The following IPO4 variants were observed in gnomAD, a reference collection of about 807,000 sequenced individuals.
The protein encoded by IPO4 is importin-4.
In IPO4, 91 loss-of-function variants were observed where a neutral mutation model predicts 133.5. The ratio of observed to expected loss-of-function variants is 0.68; its 90% CI spans 0.58 to 0.81. IPO4 has a LOEUF of 0.81. Ranked by LOEUF, IPO4 falls within the 30% of genes least tolerant of loss-of-function variation. The pLI is 0.00. For missense variants in IPO4, 1,279 were observed against 1,386.2 expected (o/e 0.92, Z 1.23); for synonymous variants, 607 against 581.6 (o/e 1.04, Z -0.63).
At chr14:24,181,376 CA>C in intron 28 of IPO4, 136 bp downstream of exon 28, 3 of 692,140 alleles carry the variant, frequency 4.3e-6, no homozygotes, top group South Asian at 3.5e-5. Context: ...CAGGGAGTAC[CA>C]AAAGAACAGC....
chr14:24,183,525 G>C lies in IPO4; in HGVS notation c.2064-12C>G. ...GAAGGAAGGCCACACTACAGAGAGA[G>C]ACACAGCCGTGGGTAAGGGGCCCCC... On this transcript the variant is annotated splice_polypyrimidine_tract_variant and intron_variant, in intron 20 of 29. Transcript: ENST00000354464. The C allele has an allele frequency of 6.2e-7, 1 of 1,614,008 alleles. No individual in the cohort carries two copies. The highest frequency in any genetic ancestry group is 1.1e-5 in the South Asian group (1 of 91,064).
At position 24,183,661 on chromosome 14, in the gene IPO4, G is replaced by A. The variant is rs757680043; in HGVS notation, c.1992C>T (p.Ser664=). 14 of 1,613,940 alleles carry A rather than the reference G, an allele frequency of 8.7e-6. No individual in the cohort carries two copies. The highest frequency in any genetic ancestry group is 2.2e-5 in the South Asian group (2 of 91,086). The part of the protein sequence containing the change: ...EEDDSEISGY[S]VENAFFDEKE... ...TCTCATCGAAGAAGGCATTCTCCAC[G>A]CTGTACCTAGAGTAAGAAGGGGAGG... Residue 664 remains serine, a synonymous_variant, in exon 20 of 30, where the codon AGC becomes AGT. Coordinates refer to ENST00000354464, the MANE Select transcript of IPO4 (RefSeq NM_024658.4).
intron 29 of IPO4, 35 bp from the exon 30 acceptor site, chr14:24,180,607 C>A (rs974363277): frequency 1.2e-6 from 2 of 1,612,084 alleles, no homozygotes; most frequent in East Asian, 4.5e-5. Flanking sequence ...GTCGGGGCTC[C>A]TAAAGCCTCG....
rs2039241130 is a variant in IPO4, at chr14:24,187,492, C to T, written c.496G>A (p.Glu166Lys). The T allele has an allele frequency of 6.2e-7, 1 of 1,614,190 alleles. No individual in the cohort carries two copies. Among genetic ancestry groups the T allele is most frequent in the East Asian group, 2.2e-5 (1 of 44,886 alleles). The change falls in exon 6 of 30, where the codon GAG becomes AAG. Residue 166 changes from glutamate to lysine, a missense_variant. Glu to Lys is a moderately conservative substitution (Grantham distance 56). Coordinates refer to ENST00000354464, the MANE Select transcript of IPO4 (RefSeq NM_024658.4). ...GGAGAGCCCACCTCACCAAGAGTCT[C>T]ATTCAGAAGCCGAAGAAGCTCCCGG... ...HHRELLRLLNETLGEVGSPGL... is the reference protein window; with the variant it reads ...HHRELLRLLNKTLGEVGSPGL...
chr14:24,186,189 T>C lies in IPO4; in HGVS notation c.1006-7A>G. ...GTGCCAGCATGTCCACAACCTGAGA[T>C]GGGATGGGGAGACTTACTTTGCTTG... On this transcript the variant is annotated splice_polypyrimidine_tract_variant and splice_region_variant and intron_variant, in intron 10 of 29. Transcript: ENST00000354464. 6.2e-7 allele frequency: 1 copy of C among 1,613,676 alleles called. No individual in the cohort carries two copies. Among genetic ancestry groups the C allele is most frequent in the Non-Finnish European group, 8.5e-7 (1 of 1,179,800 alleles).
intron 2 of IPO4, 58 bp from the exon 3 acceptor site, chr14:24,188,481 A>C (rs566135436): frequency 6.2e-7 from 1 of 1,607,932 alleles, no homozygotes; most frequent in South Asian, 1.1e-5. Context: ...AGCGGACCGC[A>C]GTGGGCGAAT....
In IPO4 at chr14:24,187,585, C is replaced by T; in HGVS notation, c.409-6G>A. ...CTTAGCAGCAAAAGCCCCATCTGTCCAAGAATAGAGGATGGGAGAGCAAGC... is the reference window on the plus strand; with the variant it reads ...CTTAGCAGCAAAAGCCCCATCTGTCTAAGAATAGAGGATGGGAGAGCAAGC... On this transcript the variant is annotated splice_polypyrimidine_tract_variant and splice_region_variant and intron_variant, in intron 5 of 29. Transcript: ENST00000354464. The T allele has an allele frequency of 6.2e-7, 1 of 1,614,130 alleles. No individual in the cohort carries two copies. Among genetic ancestry groups the T allele is most frequent in the Non-Finnish European group, 8.5e-7 (1 of 1,180,004 alleles).
intron 4 of IPO4, chr14:24,187,999 A>C (rs1188747608): frequency 1.3e-6 from 1 of 765,562 alleles, no homozygotes; most frequent in East Asian, 2.7e-5. Context: ...AGTCTAACTT[A>C]GCCTGAATTT....
chr14:24,187,951 A>G (rs2039249742), intron 4 of IPO4, 155 bp from the exon 5 acceptor site: 1 of 882,694 alleles, frequency 1.1e-6, no homozygotes, highest in African/African-American at 1.7e-5. Flanking sequence ...GCTCAGAGGG[A>G]GCCCAACAGC....
rs1380488107 is a variant in IPO4, at chr14:24,182,031, C to T, written c.2731G>A (p.Ala911Thr). Residue 911 changes from alanine (A) to threonine (T), a missense_variant, in exon 26 of 30, where the codon GCA (alanine) becomes ACA (threonine). Physicochemically the swap from Ala to Thr is moderately conservative, Grantham distance 58 (BLOSUM62 0). Transcript: ENST00000354464. ...LPVLLSTAQE[A>T]DPEVRSNAIF... ...GCATTGCTTCGCACCTCGGGGTCTG[C>T]CTCTTGGGCGGTGCTCAACAGCACA... 2 of 1,613,520 alleles carry T rather than the reference C, an allele frequency of 1.2e-6. No homozygotes were observed. Among genetic ancestry groups the T allele is most frequent in the Non-Finnish European group, 1.7e-6 (2 of 1,180,028 alleles).
intron 4 of IPO4, 104 bp from the exon 5 acceptor site, chr14:24,187,900 G>A: frequency 6.9e-7 from 1 of 1,441,840 alleles, no homozygotes; most frequent in Non-Finnish European, 9.5e-7. Context: ...CAGGAGGTGT[G>A]GGCACAGGGT....
rs763906497 is a variant in IPO4, at chr14:24,185,587, G to A, written c.1170-20C>T. 6.3e-7 allele frequency: 1 copy of A among 1,599,038 alleles called. No individual in the cohort carries two copies. The highest frequency in any genetic ancestry group is 8.6e-7 in the Non-Finnish European group (1 of 1,166,360). ...AGCAGTCTGGATGGGGCAAACAAGA[G>A]GACATAGGCTGAGAAGCTACACCTG... On this transcript the variant is annotated intron_variant, in intron 12 of 29. Transcript: ENST00000354464.
In IPO4 at chr14:24,186,693, T is replaced by C. The variant is rs762855831; in HGVS notation, c.840+15A>G. 5.6e-6 allele frequency: 9 copies of C among 1,609,682 alleles called. No individual in the cohort carries two copies. In the South Asian group the frequency reaches 9.9e-5, roughly 18 times the overall value. On this transcript the variant is annotated intron_variant, in intron 9 of 29. Transcript: ENST00000354464. ...ATGGGGGTGGGGTGATGTGTGTCAA[T>C]GGGCACTCACTTACCTTGCTCTTGA...
At chr14:24,182,230 CGGG>C (rs1566641596) in intron 25 of IPO4, 45 bp downstream of exon 25, 1 of 1,613,734 alleles carries the variant, frequency 6.2e-7, no homozygotes, top group Non-Finnish European at 8.5e-7. Context: ...TGGTGGGCAC[CGGG>C]TGCACGAGGG....
At chr14:24,182,200 T>C (rs764612566) in intron 25 of IPO4, 37 bp from the exon 26 acceptor site, 2 of 1,613,804 alleles carry the variant, frequency 1.2e-6, no homozygotes, top group Non-Finnish European at 1.7e-6. Context: ...CAGATCAGCC[T>C]GGGCCAAGGA....
Position 24,184,727 on chromosome 14 carries a change from G to A in IPO4, c.1559C>T (p.Pro520Leu). 1 of 1,613,332 alleles carries A rather than the reference G, an allele frequency of 6.2e-7. No homozygotes were observed. Among genetic ancestry groups the A allele is most frequent in the Non-Finnish European group, 8.5e-7 (1 of 1,179,678 alleles). Residue 520 changes from proline to leucine, a missense_variant, in exon 16 of 30, where the codon CCT becomes CTT. Around this residue, in one of 3 missense-constraint regions of IPO4, gnomAD observed 695 missense variants for 704.1 expected, o/e 0.99. Coordinates refer to ENST00000354464, the MANE Select transcript of IPO4 (RefSeq NM_024658.4). ...AAQASLLPYF[P>L]AIMEHLREFL... ...TTCCCGCAGGTGCTCCATGATGGCA[G>A]GGAAGTAGGGCAGCAGCGAGGCCTG...
In IPO4 at chr14:24,188,775, C is replaced by T. The variant is rs767354321; in HGVS notation, c.13G>A (p.Gly5Arg). 2.3e-5 allele frequency: 34 copies of T among 1,510,286 alleles called. No homozygotes were observed. The highest frequency in any genetic ancestry group is 2.8e-5 in the Non-Finnish European group (32 of 1,131,328). The allele number at this position is 1,510,286 out of a possible 1,614,324, so 93.6% of individuals were successfully genotyped here. A position where few individuals can be genotyped will look rare whatever the true frequency, so the allele number is the denominator to read the frequency against. ...AGCTCCCGTAGGAGCTGCTCTAGCC[C>T]GGCTGACTCCATGGCAGCAACTGAG... Reference protein sequence around the residue: MESAGLEQLLRELLL... With the variant: MESARLEQLLRELLL... Residue 5 changes from glycine to arginine, a missense_variant, in exon 1 of 30, where the codon GGG (glycine) becomes AGG (arginine). Physicochemically the swap from Gly to Arg is moderately radical, Grantham distance 125. Transcript: ENST00000354464.
At chr14:24,188,170 C>A in intron 4 of IPO4, 46 bp downstream of exon 4, 2 of 1,594,846 alleles carry the variant, frequency 1.3e-6, no homozygotes, top group South Asian at 2.2e-5. Context: ...AGGCAGAAAC[C>A]TAGACAAAGT....
In IPO4 at chr14:24,188,557, G is replaced by T; in HGVS notation, c.151C>A (p.Pro51Thr). 6.2e-7 allele frequency: 1 copy of T among 1,612,248 alleles called. No homozygotes were observed. The part of the protein sequence containing the change: ...LCDLLASAAD[P>T]QIRQFAAVLT... ...GGGAGAGTCAGGGGTCTCACCTGGG[G>T]GTCGGCCGCCGAGGCTAGCAGGTCG... The change falls in exon 2 of 30, where the codon CCC (proline) becomes ACC (threonine). Residue 51 changes from proline to threonine, a missense_variant. This residue lies in a region of IPO4 where 695 missense variants were observed against 704.1 expected (regional missense o/e 0.99). Transcript: ENST00000354464.
Sources: allele counts gnomAD v4.1 joint callset, GRCh38; gene constraint gnomAD v4.1.1; regional missense constraint gnomAD v4.1.1; transcripts MANE v1.5; gene names NCBI Gene and HGNC (gene_info 2026-07-23, HGNC 2026-07-21).